Variants in TRPM6 observed in about 807,000 individuals in gnomAD.
TRPM6 encodes transient receptor potential cation channel subfamily M member 6, also known as channel kinase 2.
TRPM6 carries 111 observed loss-of-function variants against 247.6 expected under a neutral mutation model. The ratio of observed to expected loss-of-function variants is 0.45; its 90% CI spans 0.38 to 0.52. TRPM6 has a LOEUF of 0.52. TRPM6 is among the 20% of genes least tolerant of loss of function. The pLI is 0.00. For synonymous variants in TRPM6, 892 were observed against 853.8 expected, an observed-to-expected ratio of 1.04 and a Z score of -0.78; for missense variants, 2,126 against 2,421.5, an observed-to-expected ratio of 0.88 and a Z score of 2.56.
intron 23 of TRPM6, among the ~76,000 whole-genome samples, chr9:74,780,937 A>C (rs1827417596): frequency 6.6e-6 from 1 of 152,300 alleles, no homozygotes; most frequent in East Asian, 1.9e-4. Context: ...TAAATATTAT[A>C]AATAAAAGTA....
Position 74,730,874 on chromosome 9 carries a change from A to G in TRPM6, c.5828+1811T>C, listed in dbSNP as rs1171683582. 5.3e-5 allele frequency among the ~76,000 whole-genome samples: 8 copies of G among 152,310 alleles called. No homozygotes were observed. The East Asian group carries it at 1.5e-3, about 29-fold the overall frequency. On this transcript the variant is annotated intron_variant, in intron 37 of 38. Transcript: ENST00000360774. ...CAAAATTGGGTAACCCCACAAAACC[A>G]GGAAGGCCACAATGAAACCATCCTA...
chr9:74,821,670 C>T lies in TRPM6; in HGVS notation c.1009G>A (p.Gly337Arg). ...AAAAAAGAAGAGCCAACAACTCACC[C>T]TTCATCTGCCAGGTGTTTGTGTGTG... ...AFTHKHLADE[G>R]MLRPQVKEEI... is the part of the protein sequence containing the mutation. The change falls in exon 8 of 39, where the codon GGG becomes AGG. Residue 337 changes from glycine to arginine, a missense_variant and splice_region_variant. Gly to Arg is a moderately radical substitution (Grantham distance 125, BLOSUM62 -2). Coordinates refer to ENST00000360774, the MANE Select transcript of TRPM6 (RefSeq NM_017662.5). The T allele has an allele frequency of 6.2e-7, 1 of 1,614,216 alleles. No homozygotes were observed. Among genetic ancestry groups the T allele is most frequent in the Non-Finnish European group, 8.5e-7 (1 of 1,180,048 alleles).
At chr9:74,878,203 G>C (rs1339048443) in intron 1 of TRPM6, among the ~76,000 whole-genome samples, 1 of 152,080 alleles carries the variant, frequency 6.6e-6, no homozygotes, top group Non-Finnish European at 1.5e-5. Context: ...TCTCACCACT[G>C]CTACTGTCAT....
intron 3 of TRPM6, among the ~76,000 whole-genome samples, chr9:74,853,720 C>T (rs34937787): frequency 8.6e-5 from 13 of 151,910 alleles, no homozygotes; most frequent in African/African-American, 2.2e-4. Context: ...ACAAACACTG[C>T]GGAAGGCCGC....
intron 13 of TRPM6, among the ~76,000 whole-genome samples, chr9:74,808,581 A>G (rs1828618040): frequency 6.6e-6 from 1 of 152,248 alleles, no homozygotes; most frequent in South Asian, 2.1e-4. Context: ...ATATGTATAT[A>G]GAGAGTTTTT....
intron 20 of TRPM6, among the ~76,000 whole-genome samples, chr9:74,787,076 T>C (rs1391828483): frequency 2.0e-5 from 3 of 151,990 alleles, no homozygotes; most frequent in Non-Finnish European, 2.9e-5. Flanking sequence ...GGCTCACGCC[T>C]GTAATCCCGA....
chr9:74,798,939 T>C (rs1388377027), intron 17 of TRPM6, among the ~76,000 whole-genome samples: 3 of 152,186 alleles, frequency 2.0e-5, no homozygotes, highest in African/African-American at 7.2e-5. Flanking sequence ...AACTAGAGTA[T>C]ATACAGGACA....
chr9:74,860,501 GGCATGCACCAGCATGC>G (rs1157187101), intron 1 of TRPM6, among the ~76,000 whole-genome samples: 2 of 151,996 alleles, frequency 1.3e-5, no homozygotes, highest in African/African-American at 4.8e-5. Context: ...TGGGATGATA[GGCATGCACCAGCATGC>G]CTGGCTAATT....
At chr9:74,849,967 T>TGGGCTAA (rs1426709191) in intron 3 of TRPM6, among the ~76,000 whole-genome samples, 1 of 152,224 alleles carries the variant, frequency 6.6e-6, no homozygotes, top group Non-Finnish European at 1.5e-5. Context: ...AGGTGATCAG[T>TGGGCTAA]GGGCTAAGGA....
chr9:74,839,907 A>AGGGAGGGAGGGAGGGAGAGG, intron 5 of TRPM6, 117 bp downstream of exon 5: 1 of 658,322 alleles, frequency 1.5e-6, no homozygotes, highest in Non-Finnish European at 2.6e-6. Flanking sequence ...GGAGGGAGGG[A>AGGGAGGGAGGGAGGGAGAGG]GGGAGGGAGG....
intron 11 of TRPM6, among the ~76,000 whole-genome samples, chr9:74,812,999 A>C (rs56349025): frequency 2.6e-5 from 4 of 152,088 alleles, no homozygotes; most frequent in African/African-American, 9.7e-5. Flanking sequence ...GGGAAAACTG[A>C]TTATTGTAAA....
intron 36 of TRPM6, chr9:74,737,479 G>T: frequency 7.9e-7 from 1 of 1,269,928 alleles, no homozygotes. Flanking sequence ...ACAAGAAAAA[G>T]GCCCAAGTTG....
intron 30 of TRPM6, 77 bp downstream of exon 30, chr9:74,750,587 A>G: frequency 7.9e-7 from 1 of 1,266,638 alleles, no homozygotes; most frequent in Non-Finnish European, 1.2e-6. Context: ...TTCTGACTAA[A>G]TTAAACCTTT....
chr9:74,868,689 A>C (rs1482894451), intron 1 of TRPM6, among the ~76,000 whole-genome samples: 1 of 152,134 alleles, frequency 6.6e-6, no homozygotes, highest in Non-Finnish European at 1.5e-5. Flanking sequence ...GAAGACATGG[A>C]ATTTATGAAA....
At chr9:74,735,516 C>T (rs912731315) in intron 36 of TRPM6, among the ~76,000 whole-genome samples, 1 of 151,808 alleles carries the variant, frequency 6.6e-6, no homozygotes, top group Non-Finnish European at 1.5e-5. Flanking sequence ...ATGATGATGT[C>T]GATGCCAATG....
At chr9:74,838,353 T>C (rs1372151211) in intron 5 of TRPM6, among the ~76,000 whole-genome samples, 2 of 152,248 alleles carry the variant, frequency 1.3e-5, no homozygotes, top group African/African-American at 2.4e-5. Context: ...CTTCAGTTTC[T>C]TCCAAGAATG....
intron 23 of TRPM6, among the ~76,000 whole-genome samples, chr9:74,778,494 G>A (rs1827303967): frequency 6.6e-6 from 1 of 152,196 alleles, no homozygotes; most frequent in Non-Finnish European, 1.5e-5. Context: ...CTCCATAATA[G>A]GCAGGAGAGT....
intron 3 of TRPM6, among the ~76,000 whole-genome samples, chr9:74,849,183 C>G (rs1191828876): frequency 6.6e-6 from 1 of 152,006 alleles, no homozygotes; most frequent in East Asian, 1.9e-4. Context: ...AACCTCATCT[C>G]TACTAAAAAT....
At chr9:74,884,681 C>T (rs146524566) in intron 1 of TRPM6, among the ~76,000 whole-genome samples, 1,711 of 152,100 alleles carry the variant, frequency 0.011, 11 homozygotes, top group South Asian at 0.02. Context: ...TTATTTACAA[C>T]AAGAAATTAT....
Sources: allele counts gnomAD v4.1 joint callset (sites outside exome capture counted in the v4.1 genomes callset), GRCh38; gene constraint gnomAD v4.1.1; transcripts MANE v1.5; gene names NCBI Gene and HGNC (gene_info 2026-07-23, HGNC 2026-07-21).